The following HDDC2 variants were observed in gnomAD, a reference collection of about 807,000 sequenced individuals.
HDDC2 encodes 5'-deoxynucleotidase HDDC2.
HDDC2 carries 25 observed loss-of-function variants against 25.5 expected under a neutral mutation model. The observed-to-expected ratio is 0.98, with a 90% confidence interval of 0.72 to 1.37. The LOEUF (loss-of-function observed/expected upper bound fraction) is 1.37. HDDC2 is among the 40% of genes most tolerant of loss of function. HDDC2 has a pLI of 0.00. For missense variants in HDDC2, 264 were observed against 253.1 expected (o/e 1.04, Z -0.29); for synonymous variants, 106 against 89.7 (o/e 1.18, Z -1.03).
chr6:125,282,840 CA>C (rs948431191), intron 4 of HDDC2, among the ~76,000 whole-genome samples: 4 of 150,772 alleles, frequency 2.7e-5, no homozygotes, highest in African/African-American at 7.3e-5. Flanking sequence ...AAATGGGAAG[CA>C]AAAAAAAGCA....
chr6:125,298,579 C>T (rs2115118119), intron 3 of HDDC2, 135 bp downstream of exon 3: 2 of 666,192 alleles, frequency 3.0e-6, no homozygotes, highest in East Asian at 5.4e-5. Flanking sequence ...TTCCCCTGAC[C>T]TTCCCCTTCC....
chr6:125,297,088 T>C (rs535277374), intron 3 of HDDC2, among the ~76,000 whole-genome samples: 6 of 152,214 alleles, frequency 3.9e-5, no homozygotes, highest in Non-Finnish European at 7.3e-5. Flanking sequence ...TCGTCCACAA[T>C]GTCCAGATTT....
intron 4 of HDDC2, among the ~76,000 whole-genome samples, chr6:125,291,725 G>A (rs1382450159): frequency 6.6e-6 from 1 of 152,166 alleles, no homozygotes; most frequent in Non-Finnish European, 1.5e-5. Flanking sequence ...ACACATGGGT[G>A]TGTAAATAGG....
At chr6:125,294,650 A>G (rs929508397) in intron 3 of HDDC2, among the ~76,000 whole-genome samples, 2 of 152,336 alleles carry the variant, frequency 1.3e-5, no homozygotes, top group East Asian at 1.9e-4. Flanking sequence ...GAACATCTCA[A>G]CTGTAGAATG....
chr6:125,283,715 A>G (rs1476809892), intron 4 of HDDC2, among the ~76,000 whole-genome samples: 4 of 152,358 alleles, frequency 2.6e-5, no homozygotes, highest in East Asian at 3.9e-4. Context: ...GGAAGAATCA[A>G]TATCGTGAAA....
At chr6:125,300,381 C>A in intron 2 of HDDC2, 157 bp downstream of exon 2, 5 of 856,658 alleles carry the variant, frequency 5.8e-6, no homozygotes, top group Non-Finnish European at 8.5e-6. Flanking sequence ...ACTGAGGCAA[C>A]ATAACCCACA....
At chr6:125,276,591 C>T (rs1352425710) in intron 5 of HDDC2, 1 of 296,606 alleles carries the variant, frequency 3.4e-6, no homozygotes, top group Non-Finnish European at 6.2e-6. Flanking sequence ...AATCTCTGCC[C>T]ATTCCAAACC....
chr6:125,299,280 G>A (rs1369623960), intron 2 of HDDC2, among the ~76,000 whole-genome samples: 2 of 152,138 alleles, frequency 1.3e-5, no homozygotes, highest in African/African-American at 2.4e-5. Context: ...CTACTCAGGA[G>A]GCTCAGGCAG....
chr6:125,289,209 T>C (rs1356002284), intron 4 of HDDC2, among the ~76,000 whole-genome samples: 5 of 135,294 alleles, frequency 3.7e-5, no homozygotes, highest in Non-Finnish European at 7.8e-5. Context: ...GAAACCATCA[T>C]TCTCAGTAAA....
intron 4 of HDDC2, among the ~76,000 whole-genome samples, chr6:125,291,502 A>C (rs1171113740): frequency 6.6e-6 from 1 of 152,162 alleles, no homozygotes; most frequent in Non-Finnish European, 1.5e-5. Context: ...AAGCATACCC[A>C]TTTCCACACC....
chr6:125,275,992 C>A lies in HDDC2; in HGVS notation c.*154G>T, dbSNP rs1184042491. On this transcript the variant is annotated 3_prime_UTR_variant, in exon 6 of 6. Transcript: ENST00000398153. Reference sequence around the variant, plus strand: ...TCCTGTTCTGTGGCTTCTTTTAGTGCCCAAGTTGTATCACATTTCTTGCTG... The same window carrying A: ...TCCTGTTCTGTGGCTTCTTTTAGTGACCAAGTTGTATCACATTTCTTGCTG... The A allele has an allele frequency of 3.1e-6, 2 of 635,146 alleles. No individual in the cohort carries two copies. The highest frequency in any genetic ancestry group is 1.8e-5 in the African/African-American group (1 of 54,686). The allele number at this position is 635,146 out of a possible 1,614,324, so 39.3% of individuals were successfully genotyped here. A position where few individuals can be genotyped will look rare whatever the true frequency, so the allele number is the denominator to read the frequency against.
At position 125,275,419 on chromosome 6, in the gene HDDC2, A is replaced by G. The variant is rs1751154127; in HGVS notation, c.*727T>C. On this transcript the variant is annotated 3_prime_UTR_variant, in exon 6 of 6. Coordinates refer to ENST00000398153, the MANE Select transcript of HDDC2 (RefSeq NM_016063.3). ...TTGATATATTCCCTACCTGAGGCTC[A>G]ATGACCCCAGTTCCTATTTATATTT... 2 of 152,212 alleles carry G rather than the reference A, an allele frequency of 1.3e-5. No individual in the cohort carries two copies. Among genetic ancestry groups the G allele is most frequent in the African/African-American group, 4.8e-5 (2 of 41,448 alleles). The allele number at this position is 152,212 out of a possible 1,614,324, so 9.4% of individuals were successfully genotyped here. A position where few individuals can be genotyped will look rare whatever the true frequency, so the allele number is the denominator to read the frequency against.
chr6:125,289,656 CT>C (rs2115110513), intron 4 of HDDC2, among the ~76,000 whole-genome samples: 1 of 152,238 alleles, frequency 6.6e-6, no homozygotes, highest in African/African-American at 2.4e-5. Flanking sequence ...TTCTGGGGTC[CT>C]TATGCTGCTC....
rs1373607502 is a variant in HDDC2 at position 125,300,627 on chromosome 6, A to T, written c.117T>A (p.Asn39Lys). The T allele has an allele frequency of 6.2e-7, 1 of 1,614,116 alleles. No individual in the cohort carries two copies. The highest frequency in any genetic ancestry group is 1.1e-5 in the South Asian group (1 of 91,060). The change falls in exon 2 of 6, where the codon AAT becomes AAA. Residue 39 changes from asparagine to lysine, a missense_variant. Transcript: ENST00000398153. ...CTGAAACGCTCTCCGGCCTCTGGAC[A>T]TTTCTGTATACCCAGCCAGTTCGTG... The part of the protein sequence containing the change: ...RVPRTGWVYR[N>K]VQRPESVSDH...
intron 4 of HDDC2, among the ~76,000 whole-genome samples, chr6:125,290,990 T>G (rs1363546957): frequency 1.3e-5 from 2 of 152,206 alleles, no homozygotes; most frequent in Non-Finnish European, 2.9e-5. Context: ...AATAGATAAC[T>G]GCCACCATGT....
intron 4 of HDDC2, among the ~76,000 whole-genome samples, chr6:125,287,016 T>C (rs189076430): frequency 1.1e-4 from 16 of 152,278 alleles, no homozygotes; most frequent in African/African-American, 3.9e-4. Flanking sequence ...CTGAGTGTGA[T>C]CTAGCCTGTG....
At chr6:125,293,320 C>T in intron 3 of HDDC2, 1 of 228,372 alleles carries the variant, frequency 4.4e-6, no homozygotes, top group Non-Finnish European at 8.9e-6. Context: ...GAAAGGAATA[C>T]TGAATTACAA....
rs1481069182 is a variant in HDDC2, at chr6:125,300,651, T to C, written c.93A>G (p.Pro31=). The stretch of plus-strand genomic sequence containing the variant: ...CATTTCTGTATACCCAGCCAGTTCG[T>C]GGGACTCTCTGATAAATATGAAGAA... The part of the protein sequence containing the change: ...LRLVGQLKRV[P]RTGWVYRNVQ... The change falls in exon 2 of 6, where the codon CCA becomes CCG. Residue 31 remains proline (P), a synonymous_variant. Coordinates refer to ENST00000398153, the MANE Select transcript of HDDC2 (RefSeq NM_016063.3). 2 of 1,611,230 alleles carry C rather than the reference T, an allele frequency of 1.2e-6. No homozygotes were observed. The highest frequency in any genetic ancestry group is 1.7e-6 in the Non-Finnish European group (2 of 1,179,346).
At chr6:125,295,803 G>C (rs1029086558) in intron 3 of HDDC2, among the ~76,000 whole-genome samples, 1 of 152,112 alleles carries the variant, frequency 6.6e-6, no homozygotes, top group African/African-American at 2.4e-5. Context: ...AAAGGAATAT[G>C]ACCTGCCACC....
Sources: allele counts gnomAD v4.1 joint callset (sites outside exome capture counted in the v4.1 genomes callset), GRCh38; gene constraint gnomAD v4.1.1; transcripts MANE v1.5; gene names NCBI Gene and HGNC (gene_info 2026-07-23, HGNC 2026-07-21).